DNAJC17: variants seen among roughly 807,000 people sequenced by gnomAD.
The protein encoded by DNAJC17 is DnaJ heat shock protein family (Hsp40) member C17.
A neutral mutation model predicts 48.1 loss-of-function variants in DNAJC17; 35 were observed. The ratio of observed to expected loss-of-function variants is 0.73; its 90% CI spans 0.56 to 0.96. The LOEUF is 0.96. Among genes scored for constraint, DNAJC17 ranks in the 50% least tolerant of loss-of-function variants. The probability of loss-of-function intolerance (pLI) is 0.00; values close to 1 mark genes in which losing one functional copy is unlikely to be tolerated. For synonymous variants in DNAJC17, 117 were observed against 142.7 expected (o/e 0.82, Z 1.28); for missense variants, 355 against 377.1 (o/e 0.94, Z 0.48).
intron 4 of DNAJC17, 111 bp downstream of exon 4, chr15:40,779,112 T>C: frequency 9.0e-7 from 1 of 1,113,890 alleles, no homozygotes; most frequent in Non-Finnish European, 1.4e-6. Flanking sequence ...GCCCAGAGCC[T>C]GAGCCAAAAG....
intron 1 of DNAJC17, among the ~76,000 whole-genome samples, chr15:40,790,588 A>C (rs1274249939): frequency 6.6e-6 from 1 of 152,074 alleles, no homozygotes; most frequent in Non-Finnish European, 1.5e-5. Context: ...CCAAATAAAA[A>C]TAAAATAAAA....
chr15:40,774,232 C>T, intron 9 of DNAJC17, 124 bp downstream of exon 9: 1 of 1,131,294 alleles, frequency 8.8e-7, no homozygotes, highest in Non-Finnish European at 1.3e-6. Context: ...AGAGCCTTGG[C>T]TCTAAGCTGG....
chr15:40,796,067 C>G (rs1456447384), intron 1 of DNAJC17, among the ~76,000 whole-genome samples: 1 of 152,156 alleles, frequency 6.6e-6, no homozygotes, highest in Non-Finnish European at 1.5e-5. Flanking sequence ...CATTATAAAC[C>G]AAAAGCTTGT....
At chr15:40,780,949 C>T (rs570962558) in intron 1 of DNAJC17, among the ~76,000 whole-genome samples, 33 of 151,026 alleles carry the variant, frequency 2.2e-4, no homozygotes, top group Non-Finnish European at 3.7e-4. Flanking sequence ...GAGTAGGAGA[C>T]CAGCCTGGCC....
intron 1 of DNAJC17, among the ~76,000 whole-genome samples, chr15:40,801,157 T>C (rs1183174620): frequency 1.3e-5 from 2 of 152,172 alleles, no homozygotes; most frequent in African/African-American, 2.4e-5. Context: ...GAGAACCTAC[T>C]ATGTGCCAGT....
intron 1 of DNAJC17, among the ~76,000 whole-genome samples, chr15:40,800,551 C>T (rs114842348): frequency 0.029 from 4,420 of 150,494 alleles, 215 homozygotes; most frequent in African/African-American, 0.1. Context: ...AGCATGGTGG[C>T]GTGATCAGAG....
At chr15:40,775,638 G>T (rs1364660779) in intron 6 of DNAJC17, 42 bp from the exon 7 acceptor site, 2 of 1,592,744 alleles carry the variant, frequency 1.3e-6, no homozygotes, top group Non-Finnish European at 1.7e-6. Context: ...ATATGAGGGA[G>T]TCAGAGATTC....
At chr15:40,784,674 C>T (rs1889594019) in intron 1 of DNAJC17, among the ~76,000 whole-genome samples, 3 of 152,208 alleles carry the variant, frequency 2.0e-5, no homozygotes, top group Admixed American at 2.0e-4. Flanking sequence ...CCACCCATGC[C>T]ATCAAAGGCC....
chr15:40,807,291 G>T (rs767605030), intron 1 of DNAJC17, 78 bp downstream of exon 1: 136 of 1,612,016 alleles, frequency 8.4e-5, no homozygotes, highest in Non-Finnish European at 1.1e-4. Context: ...GAGAGCGGAT[G>T]CCAGCAGTGG....
At position 40,776,565 on chromosome 15, in the gene DNAJC17, T is replaced by C. The variant is rs1889329625; in HGVS notation, c.358A>G (p.Ser120Gly). 1 of 1,614,058 alleles carries C rather than the reference T, an allele frequency of 6.2e-7. No individual in the cohort carries two copies. Among genetic ancestry groups the C allele is most frequent in the Non-Finnish European group, 8.5e-7 (1 of 1,180,004 alleles). Reference protein sequence around the residue: ...QESEEEEESRSTRTLEQEIER... With the variant: ...QESEEEEESRGTRTLEQEIER... ...ACCTCTTGCTCTAGTGTCCTGGTGC[T>C]CCGGCTCTCCTCTTCCTCCTCACTC... Residue 120 changes from serine to glycine, a missense_variant, in exon 5 of 11, where the codon AGC (serine) becomes GGC (glycine). Ser to Gly is a moderately conservative substitution (Grantham distance 56, BLOSUM62 0). Transcript: ENST00000220496.
chr15:40,775,952 C>G (rs1479276697), intron 6 of DNAJC17, among the ~76,000 whole-genome samples: 1 of 152,180 alleles, frequency 6.6e-6, no homozygotes, highest in Non-Finnish European at 1.5e-5. Context: ...ACAAGGCCAC[C>G]TCTGCTTGGG....
intron 1 of DNAJC17, among the ~76,000 whole-genome samples, chr15:40,801,336 T>C (rs78317160): frequency 0.015 from 2,299 of 151,438 alleles, 60 homozygotes; most frequent in African/African-American, 0.052. Context: ...AAATAGAATA[T>C]AAGGCAAGGC....
intron 1 of DNAJC17, chr15:40,807,146 G>A (rs1249921447): frequency 3.5e-6 from 4 of 1,155,108 alleles, no homozygotes; most frequent in Non-Finnish European, 4.8e-6. Context: ...GGAGAGCACA[G>A]CCACCCGGCG....
intron 1 of DNAJC17, among the ~76,000 whole-genome samples, chr15:40,799,103 T>C (rs929222618): frequency 6.6e-6 from 1 of 151,202 alleles, no homozygotes; most frequent in Non-Finnish European, 1.5e-5. Flanking sequence ...CGGGCGCCTG[T>C]AGTCCCAGCT....
chr15:40,790,635 G>C (rs1284201472), intron 1 of DNAJC17, among the ~76,000 whole-genome samples: 3 of 151,996 alleles, frequency 2.0e-5, no homozygotes, highest in Non-Finnish European at 4.4e-5. Flanking sequence ...CCTTATGCTG[G>C]GCGAATCACT....
intron 1 of DNAJC17, among the ~76,000 whole-genome samples, chr15:40,789,000 T>C (rs1160328400): frequency 6.6e-6 from 1 of 152,218 alleles, no homozygotes; most frequent in Non-Finnish European, 1.5e-5. Context: ...GTACAACCTA[T>C]GGGCTGCTCC....
intron 1 of DNAJC17, among the ~76,000 whole-genome samples, chr15:40,784,609 G>C (rs1278373540): frequency 6.6e-6 from 1 of 152,014 alleles, no homozygotes; most frequent in Non-Finnish European, 1.5e-5. Context: ...CATTACTTTA[G>C]GCAAAAACTA....
rs754777607 is a variant in DNAJC17, at chr15:40,770,680, G to A, written c.793-2618C>T. On this transcript the variant is annotated intron_variant, in intron 10 of 10. Transcript: ENST00000220496. This position sits in a 1 kb window ranked among gnomAD's most constrained non-coding sequence, Gnocchi z 5.0. ...GAGCTACAAGGGAGGCCAGATGGCC[G>A]GCGCCTGCCACTGTGGGGGGACGAG... 2.9e-4 allele frequency: 443 copies of A among 1,548,090 alleles called. 1 individual carries two copies. Among genetic ancestry groups the A allele is most frequent in the African/African-American group, 2.0e-3 (148 of 73,144 alleles).
intron 1 of DNAJC17, among the ~76,000 whole-genome samples, chr15:40,800,357 C>T (rs538796069): frequency 1.2e-4 from 18 of 152,144 alleles, no homozygotes; most frequent in Admixed American, 1.0e-3. Context: ...CGTGTGCCAC[C>T]GCACCTGGCC....
Sources: allele counts gnomAD v4.1 joint callset (sites outside exome capture counted in the v4.1 genomes callset), GRCh38; gene constraint gnomAD v4.1.1; non-coding constraint Gnocchi (gnomAD v3.1); transcripts MANE v1.5; gene names NCBI Gene and HGNC (gene_info 2026-07-23, HGNC 2026-07-21).